ECSCR: variants seen among roughly 807,000 people sequenced by gnomAD.
ECSCR encodes endothelial cell-specific chemotaxis regulator.
In ECSCR, 12 loss-of-function variants were observed where a neutral mutation model predicts 16.7. That is an observed-to-expected ratio of 0.72 (90% CI 0.46 to 1.17). The LOEUF (loss-of-function observed/expected upper bound fraction) is 1.17, where lower values mean the gene tolerates loss of function less well. Among genes scored for constraint, ECSCR ranks in the 50% most tolerant of loss-of-function variants. The pLI, the probability that ECSCR is intolerant of heterozygous loss-of-function variation, is 0.00. For synonymous variants in ECSCR, 44 were observed against 42.2 expected, an observed-to-expected ratio of 1.04 and a Z score of -0.17; for missense variants, 122 against 116.1, an observed-to-expected ratio of 1.05 and a Z score of -0.23.
chr5:139,458,833 G>A (rs1228053505), intron 1 of ECSCR, among the ~76,000 whole-genome samples: 1 of 148,400 alleles, frequency 6.7e-6, no homozygotes, highest in Non-Finnish European at 1.5e-5. Context: ...GAGACAAAGT[G>A]AGACTCTGTC....
chr5:139,457,860 T>C, intron 2 of ECSCR, 53 bp from the exon 3 acceptor site: 1 of 1,547,152 alleles, frequency 6.5e-7, no homozygotes, highest in South Asian at 1.2e-5. Context: ...CTGTTCCATC[T>C]CCCTCTCTTG....
chr5:139,460,714 C>A (rs768212506), intron 1 of ECSCR, among the ~76,000 whole-genome samples: 9 of 152,180 alleles, frequency 5.9e-5, no homozygotes, highest in Non-Finnish European at 1.3e-4. Context: ...GACCACTGGG[C>A]CTGCAGATTC....
In ECSCR at chr5:139,448,750, C is replaced by T; in HGVS notation, c.*150G>A. On this transcript the variant is annotated 3_prime_UTR_variant, in exon 10 of 10. Coordinates refer to ENST00000618155, the MANE Select transcript of ECSCR (RefSeq NM_001077693.4). ...TGGTAGCTTGCTCCCAGATCTGGGG[C>T]AATGCTAGTGTCCTTTAGATCTAGA... 6.9e-7 allele frequency: 1 copy of T among 1,451,144 alleles called. No homozygotes were observed. The highest frequency in any genetic ancestry group is 9.0e-7 in the Non-Finnish European group (1 of 1,107,128). 89.9% of individuals were successfully genotyped at this position (1,451,144 alleles called of 1,614,324 possible).
intron 3 of ECSCR, 45 bp downstream of exon 3, chr5:139,457,712 G>A (rs1751189480): frequency 6.2e-7 from 1 of 1,609,098 alleles, no homozygotes; most frequent in Non-Finnish European, 8.5e-7. Flanking sequence ...CTGAATGAAT[G>A]GGTGTGGGGC....
At chr5:139,456,381 TAA>T in intron 5 of ECSCR, 91 bp downstream of exon 5, 1 of 396,462 alleles carries the variant, frequency 2.5e-6, no homozygotes, top group Non-Finnish European at 4.4e-6. Flanking sequence ...TCTGGGAGAA[TAA>T]AAAAATCTGA....
intron 4 of ECSCR, among the ~76,000 whole-genome samples, chr5:139,457,263 T>C (rs1018801543): frequency 6.6e-6 from 1 of 152,036 alleles, no homozygotes; most frequent in Admixed American, 6.6e-5. Context: ...CCCCACAGCC[T>C]CCACATGCTC....
intron 1 of ECSCR, among the ~76,000 whole-genome samples, chr5:139,462,210 G>A (rs1157375304): frequency 6.6e-6 from 1 of 152,190 alleles, no homozygotes; most frequent in South Asian, 2.1e-4. Context: ...CCATGGTGCA[G>A]AGGATTTGTG....
chr5:139,459,534 C>T (rs192834843), intron 1 of ECSCR, among the ~76,000 whole-genome samples: 1 of 152,284 alleles, frequency 6.6e-6, no homozygotes, highest in Non-Finnish European at 1.5e-5. Context: ...CTCGTGTGCC[C>T]TTGTGTGTGT....
At chr5:139,459,837 T>C (rs1314210720) in intron 1 of ECSCR, among the ~76,000 whole-genome samples, 1 of 152,220 alleles carries the variant, frequency 6.6e-6, no homozygotes, top group East Asian at 1.9e-4. Context: ...CTGCTTATTT[T>C]CCTTAAGCCA....
At chr5:139,462,042 C>A (rs1372076599) in intron 1 of ECSCR, among the ~76,000 whole-genome samples, 1 of 152,172 alleles carries the variant, frequency 6.6e-6, no homozygotes, top group Non-Finnish European at 1.5e-5. Flanking sequence ...CTACTCTAGC[C>A]CCCTGGATGT....
chr5:139,451,718 G>A (rs1366227359), intron 8 of ECSCR, among the ~76,000 whole-genome samples: 1 of 145,162 alleles, frequency 6.9e-6, no homozygotes, highest in Non-Finnish European at 1.5e-5. Flanking sequence ...TGTTTGTGGT[G>A]TGTGTGTGGT....
chr5:139,451,311 G>A (rs933284233), intron 8 of ECSCR, among the ~76,000 whole-genome samples: 2 of 150,824 alleles, frequency 1.3e-5, no homozygotes, highest in African/African-American at 2.4e-5. Flanking sequence ...TGTATGTGTG[G>A]TGTGTGTGGT....
intron 8 of ECSCR, among the ~76,000 whole-genome samples, chr5:139,451,492 G>A (rs1308971020): frequency 6.8e-6 from 1 of 147,244 alleles, no homozygotes; most frequent in Non-Finnish European, 1.5e-5. Flanking sequence ...TGTGTGGTTT[G>A]GGTGGGTGTG....
At chr5:139,459,102 AAACTAGTGACATTTCTAAGGACAGAAG>A (rs1159359917) in intron 1 of ECSCR, among the ~76,000 whole-genome samples, 2 of 152,238 alleles carry the variant, frequency 1.3e-5, no homozygotes, top group East Asian at 3.9e-4. Context: ...AGGTTATTTT[AAACTAGTGACATTTCTAAGGACAGAAG>A]ATCAATGACC....
chr5:139,450,769 C>T (rs1751023285), intron 8 of ECSCR, among the ~76,000 whole-genome samples: 1 of 150,116 alleles, frequency 6.7e-6, no homozygotes, highest in African/African-American at 2.5e-5. Flanking sequence ...GAGCAAGACT[C>T]CATGTCAAAA....
chr5:139,450,374 C>T (rs1751012257), intron 8 of ECSCR, among the ~76,000 whole-genome samples: 1 of 151,542 alleles, frequency 6.6e-6, no homozygotes, highest in Admixed American at 6.6e-5. Flanking sequence ...CATGGTGGCA[C>T]ATGCCTGTAG....
chr5:139,460,650 G>A (rs1051571109), intron 1 of ECSCR, among the ~76,000 whole-genome samples: 4 of 152,078 alleles, frequency 2.6e-5, no homozygotes, highest in African/African-American at 9.7e-5. Context: ...AGATTTCTCT[G>A]TGGGTAAGGG....
chr5:139,448,831 C>T lies in ECSCR; in HGVS notation c.*69G>A. ...TGTGGTTCATTGCCTCTACTAATTCCATCTCTTCCTCCTTGTAGTCACAGG... is the reference window on the plus strand; with the variant it reads ...TGTGGTTCATTGCCTCTACTAATTCTATCTCTTCCTCCTTGTAGTCACAGG... On this transcript the variant is annotated 3_prime_UTR_variant, in exon 10 of 10. Transcript: ENST00000618155. The T allele has an allele frequency of 1.3e-6, 2 of 1,530,566 alleles. No homozygotes were observed. 94.8% of individuals were successfully genotyped at this position (1,530,566 alleles called of 1,614,324 possible). A position where few individuals can be genotyped will look rare whatever the true frequency, so the allele number is the denominator to read the frequency against.
intron 1 of ECSCR, among the ~76,000 whole-genome samples, chr5:139,460,774 C>T (rs1751282808): frequency 6.6e-6 from 1 of 152,166 alleles, no homozygotes; most frequent in Admixed American, 6.5e-5. Flanking sequence ...TCTCCCCTCT[C>T]TAATTCTGTC....
Sources: gnomAD v4.1 joint callset for allele counts (sites outside exome capture counted in the v4.1 genomes callset) on GRCh38, gnomAD v4.1.1 for gene constraint, MANE v1.5 for transcripts, NCBI Gene and HGNC (gene_info 2026-07-23, HGNC 2026-07-21) for gene names.